TBC1D9: variants seen among roughly 807,000 people sequenced by gnomAD.
TBC1D9 encodes the protein TBC1 domain family member 9.
Under a neutral mutation model 132.0 loss-of-function variants are expected in TBC1D9, and 63 were observed. That is an observed-to-expected ratio of 0.48 (90% CI 0.39 to 0.59). The LOEUF (loss-of-function observed/expected upper bound fraction) is 0.59. TBC1D9 is among the 20% of genes least tolerant of loss of function. The pLI, the probability that TBC1D9 is intolerant of heterozygous loss-of-function variation, is 0.00. For synonymous variants in TBC1D9, 610 were observed against 609.9 expected, an observed-to-expected ratio of 1.00 and a Z score of 0.00; for missense variants, 1,261 against 1,592.7, an observed-to-expected ratio of 0.79 and a Z score of 3.54.
intron 1 of TBC1D9, among the ~76,000 whole-genome samples, chr4:140,720,363 G>C (rs1307815516): frequency 6.6e-6 from 1 of 152,252 alleles, no homozygotes; most frequent in Non-Finnish European, 1.5e-5. Flanking sequence ...TTAGGAAAGA[G>C]ACAACAGGAG....
chr4:140,625,491 C>T (rs144515960), intron 18 of TBC1D9, among the ~76,000 whole-genome samples: 77 of 152,268 alleles, frequency 5.1e-4, no homozygotes, highest in African/African-American at 1.8e-3. Flanking sequence ...TCTTCAACCA[C>T]CCAAAGCTGG....
chr4:140,694,847 A>G (rs1737929808), intron 2 of TBC1D9, among the ~76,000 whole-genome samples: 1 of 151,596 alleles, frequency 6.6e-6, no homozygotes, highest in Non-Finnish European at 1.5e-5. Context: ...TATTCATTTT[A>G]TGTATCTATA....
At chr4:140,684,576 T>G (rs1270754783) in intron 3 of TBC1D9, among the ~76,000 whole-genome samples, 2 of 151,992 alleles carry the variant, frequency 1.3e-5, no homozygotes, top group African/African-American at 2.4e-5. Context: ...ATAATTGGTC[T>G]TTGTTTGTTT....
rs762920297 is a variant in TBC1D9, at chr4:140,639,150, C to T, written c.2441G>A (p.Arg814Gln). The T allele has an allele frequency of 1.8e-5, 28 of 1,577,346 alleles. No homozygotes were observed. Among genetic ancestry groups the T allele is most frequent in the Admixed American group, 1.6e-4 (9 of 55,088 alleles). The change falls in exon 15 of 21, where the codon CGA becomes CAA. Residue 814 changes from arginine (R) to glutamine (Q), a missense_variant. By Grantham distance (43) the Arg-to-Gln change is conservative. Transcript: ENST00000442267. ...LEDTTKRNVV[R>Q]TIVTETSFTI... ...AAAGGAAGTTTCTGTCACAATGGTT[C>T]GTACCTATAAAAATATTAAGCAAAA...
chr4:140,637,996 C>G (rs149430186), intron 15 of TBC1D9, among the ~76,000 whole-genome samples: 82 of 152,306 alleles, frequency 5.4e-4, no homozygotes, highest in African/African-American at 1.9e-3. Context: ...TGCACTTTAC[C>G]AGGCACTAGT....
intron 13 of TBC1D9, among the ~76,000 whole-genome samples, chr4:140,656,098 C>T (rs1737262847): frequency 6.6e-6 from 1 of 152,128 alleles, no homozygotes; most frequent in Non-Finnish European, 1.5e-5. Flanking sequence ...TCTCTGGAGG[C>T]CAAAGCTGTC....
intron 1 of TBC1D9, among the ~76,000 whole-genome samples, chr4:140,738,590 C>A (rs913963904): frequency 2.6e-5 from 4 of 152,198 alleles, no homozygotes; most frequent in African/African-American, 9.7e-5. Context: ...TCAACCTTGG[C>A]AAAATAAACC....
chr4:140,620,933 G>C lies in TBC1D9; in HGVS notation c.*1262C>G. 6.6e-6 allele frequency: 1 copy of C among 152,644 alleles called. No individual in the cohort carries two copies. Among genetic ancestry groups the C allele is most frequent in the South Asian group, 2.1e-4 (1 of 4,820 alleles). 9.5% of individuals were successfully genotyped at this position (152,644 alleles called of 1,614,324 possible). ...GGACACAATGTATAATAAAATAAAG[G>C]AATGTGTTGAAAGAAATATTCCAAA... On this transcript the variant is annotated 3_prime_UTR_variant, in exon 21 of 21. Coordinates refer to ENST00000442267, the MANE Select transcript of TBC1D9 (RefSeq NM_015130.3).
chr4:140,696,427 A>G (rs1395871916), intron 2 of TBC1D9, among the ~76,000 whole-genome samples: 1 of 127,532 alleles, frequency 7.8e-6, no homozygotes, highest in Admixed American at 1.1e-4. Context: ...ACTGCACTCC[A>G]GCCTGGAGAC....
rs139374197 is a variant in TBC1D9 at position 140,706,140 on chromosome 4, G to A, written c.131-4526C>T. Among the ~76,000 whole-genome samples, 86 of 152,304 alleles carry A rather than the reference G, an allele frequency of 5.6e-4. 1 individual carries two copies. Among genetic ancestry groups the A allele is most frequent in the East Asian group, 1.5e-3 (8 of 5,178 alleles). On this transcript the variant is annotated intron_variant, in intron 1 of 20. Coordinates refer to ENST00000442267, the MANE Select transcript of TBC1D9 (RefSeq NM_015130.3). The surrounding 1 kb of genome is among the most constrained non-coding windows in gnomAD (Gnocchi z 4.0). ...AACCCCCGTCAGCCCTCTGCAGGCC[G>A]GGCTATGTCAGGAGTGTGCTGCCAT...
intron 16 of TBC1D9, 28 bp from the exon 17 acceptor site, chr4:140,628,393 A>G: frequency 6.3e-7 from 1 of 1,577,570 alleles, no homozygotes. Flanking sequence ...ACCAATGTGA[A>G]ATGCATCACA....
Position 140,668,910 on chromosome 4 carries a change from G to A in TBC1D9, c.1588+7C>T. 6.2e-7 allele frequency: 1 copy of A among 1,613,376 alleles called. No homozygotes were observed. Among genetic ancestry groups the A allele is most frequent in the Non-Finnish European group, 8.5e-7 (1 of 1,179,736 alleles). On this transcript the variant is annotated splice_region_variant and intron_variant, in intron 9 of 20. Transcript: ENST00000442267. ...TGACGCCAGCATTCCCAGCCCAGCG[G>A]CCGTACCTGACAGCAGCAGCCAGAG... is the stretch of plus-strand genomic sequence containing the variant.
intron 2 of TBC1D9, among the ~76,000 whole-genome samples, chr4:140,697,617 G>T (rs753818323): frequency 6.6e-6 from 1 of 152,190 alleles, no homozygotes; most frequent in Non-Finnish European, 1.5e-5. Flanking sequence ...CATTCACAGC[G>T]TAGTGTTCCT....
intron 2 of TBC1D9, among the ~76,000 whole-genome samples, chr4:140,695,641 A>G (rs768889251): frequency 3.0e-4 from 46 of 152,244 alleles, no homozygotes; most frequent in Middle Eastern, 6.8e-3. Flanking sequence ...ATTCCCATGG[A>G]GATCATATAA....
At chr4:140,751,727 TTC>T (rs1364715345) in intron 1 of TBC1D9, among the ~76,000 whole-genome samples, 1 of 152,202 alleles carries the variant, frequency 6.6e-6, no homozygotes, top group African/African-American at 2.4e-5. Context: ...TTTTTTAAAT[TTC>T]TACAAGTTAG....
intron 2 of TBC1D9, among the ~76,000 whole-genome samples, chr4:140,688,062 T>G (rs1214496421): frequency 6.6e-6 from 1 of 151,806 alleles, no homozygotes; most frequent in Admixed American, 6.6e-5. Flanking sequence ...GCACTCCAGC[T>G]TTGACAATGA....
At chr4:140,683,733 A>C (rs1162765396) in intron 3 of TBC1D9, among the ~76,000 whole-genome samples, 1 of 152,268 alleles carries the variant, frequency 6.6e-6, no homozygotes, top group African/African-American at 2.4e-5. Flanking sequence ...AATAATTTCA[A>C]CAACCAAAAT....
chr4:140,689,911 GTTAA>G (rs1394203919), intron 2 of TBC1D9, among the ~76,000 whole-genome samples: 1 of 150,410 alleles, frequency 6.6e-6, no homozygotes, highest in Admixed American at 6.7e-5. Context: ...ACTACACCCT[GTTAA>G]TTGTTTTTAT....
chr4:140,629,689 T>G (rs956239051), intron 16 of TBC1D9, among the ~76,000 whole-genome samples: 1 of 152,232 alleles, frequency 6.6e-6, no homozygotes, highest in Non-Finnish European at 1.5e-5. Flanking sequence ...TTCAGAAGCC[T>G]CTTGACCACT....
Sources: gnomAD v4.1 joint callset for allele counts (sites outside exome capture counted in the v4.1 genomes callset) on GRCh38, gnomAD v4.1.1 for gene constraint, Gnocchi (gnomAD v3.1) non-coding constraint, MANE v1.5 for transcripts, NCBI Gene and HGNC (gene_info 2026-07-23, HGNC 2026-07-21) for gene names.